CACNA2D3: variants seen among roughly 807,000 people sequenced by gnomAD.
CACNA2D3 encodes the protein calcium voltage-gated channel auxiliary subunit alpha2delta 3.
Under a neutral mutation model 160.6 loss-of-function variants are expected in CACNA2D3, and 60 were observed. The observed-to-expected ratio is 0.37, with a 90% confidence interval of 0.30 to 0.46. The LOEUF is 0.46. Among genes scored for constraint, CACNA2D3 ranks in the 20% least tolerant of loss-of-function variants. The pLI, the probability that CACNA2D3 is intolerant of heterozygous loss-of-function variation, is 1.00. For synonymous variants in CACNA2D3, 558 were observed against 492.9 expected (o/e 1.13, Z -1.75); for missense variants, 1,205 against 1,365.0 (o/e 0.88, Z 1.85).
At position 55,034,793 on chromosome 3, in the gene CACNA2D3, T is replaced by A. The variant is rs867403455; in HGVS notation, c.2987+16476T>A. Among the ~76,000 whole-genome samples the A allele has an allele frequency of 2.6e-5, 4 of 152,170 alleles. No individual in the cohort carries two copies. In the East Asian group the frequency reaches 7.7e-4, roughly 29 times the overall value. On this transcript the variant is annotated intron_variant, in intron 35 of 37. Transcript: ENST00000474759. ...CAGTATGTGGATTTACTAGTTTCTT[T>A]AACCAACACCACTTAGGCTCTTAAT...
Position 54,807,423 on chromosome 3 carries a change from G to A in CACNA2D3, c.1381-9430G>A, listed in dbSNP as rs566528291. Among the ~76,000 whole-genome samples the A allele has an allele frequency of 8.0e-3, 1,218 of 152,106 alleles. 16 individuals are homozygous for A. Among genetic ancestry groups the A allele is most frequent in the African/African-American group, 0.027 (1,123 of 41,432 alleles). ...ATGAGCAGACACTTCTCAAAAGAAGGCATTTATGCAGCCAAAAAACACATG... is the reference window on the plus strand; with the variant it reads ...ATGAGCAGACACTTCTCAAAAGAAGACATTTATGCAGCCAAAAAACACATG... On this transcript the variant is annotated intron_variant, in intron 13 of 37. Coordinates refer to ENST00000474759, the MANE Select transcript of CACNA2D3 (RefSeq NM_018398.3).
intron 11 of CACNA2D3, among the ~76,000 whole-genome samples, chr3:54,709,665 C>G (rs1343719907): frequency 1.3e-5 from 2 of 152,158 alleles, no homozygotes; most frequent in Non-Finnish European, 2.9e-5. Flanking sequence ...TGGCTCACAC[C>G]TGTCATCACA....
chr3:54,745,309 G>A (rs969343139), intron 11 of CACNA2D3, among the ~76,000 whole-genome samples: 1 of 152,200 alleles, frequency 6.6e-6, no homozygotes, highest in Non-Finnish European at 1.5e-5. Flanking sequence ...TCTGATACCT[G>A]GTCCTGGGGT....
chr3:54,286,116 CG>C (rs1559909070), intron 2 of CACNA2D3, among the ~76,000 whole-genome samples: 2 of 151,928 alleles, frequency 1.3e-5, no homozygotes, highest in African/African-American at 4.8e-5. Flanking sequence ...AGGCTTCAGA[CG>C]ATCAAACTAC....
At chr3:54,232,199 G>A (rs528550475) in intron 2 of CACNA2D3, among the ~76,000 whole-genome samples, 1 of 152,282 alleles carries the variant, frequency 6.6e-6, no homozygotes, top group African/African-American at 2.4e-5. Flanking sequence ...TCCAATCCTG[G>A]ATCAGTCACT....
chr3:54,255,214 G>A (rs536364116), intron 2 of CACNA2D3, among the ~76,000 whole-genome samples: 59 of 152,242 alleles, frequency 3.9e-4, no homozygotes, highest in African/African-American at 1.3e-3. Flanking sequence ...TCATTCTGGC[G>A]TTAAAACCGT....
intron 6 of CACNA2D3, among the ~76,000 whole-genome samples, chr3:54,567,473 G>A (rs1248365770): frequency 6.6e-6 from 1 of 152,062 alleles, no homozygotes; most frequent in Non-Finnish European, 1.5e-5. Flanking sequence ...CCATGTTTCA[G>A]TAGGATAGGC....
intron 15 of CACNA2D3, among the ~76,000 whole-genome samples, chr3:54,837,905 C>G (rs1301456787): frequency 6.6e-6 from 1 of 152,160 alleles, no homozygotes; most frequent in Non-Finnish European, 1.5e-5. Context: ...TGCAAAGATG[C>G]TATTTCCAAA....
chr3:55,037,835 C>T (rs948691300), intron 35 of CACNA2D3, among the ~76,000 whole-genome samples: 1 of 152,130 alleles, frequency 6.6e-6, no homozygotes, highest in African/African-American at 2.4e-5. Context: ...ACAACCCTGC[C>T]GTTTTTAGAT....
intron 2 of CACNA2D3, among the ~76,000 whole-genome samples, chr3:54,124,602 G>C (rs1260624232): frequency 6.6e-6 from 1 of 152,188 alleles, no homozygotes; most frequent in East Asian, 1.9e-4. Context: ...TGGTAACCAA[G>C]TACGTATTTT....
At chr3:54,993,738 A>G (rs1268252840) in intron 31 of CACNA2D3, among the ~76,000 whole-genome samples, 1 of 152,146 alleles carries the variant, frequency 6.6e-6, no homozygotes, top group Non-Finnish European at 1.5e-5. Context: ...GCTGGAGGCC[A>G]GAAAGACCAA....
chr3:54,569,342 T>G (rs547526441), intron 6 of CACNA2D3, among the ~76,000 whole-genome samples: 1 of 152,294 alleles, frequency 6.6e-6, no homozygotes, highest in Admixed American at 6.5e-5. Context: ...ATATCCTTAG[T>G]TGGAAACATT....
chr3:54,791,843 A>G (rs945339204), intron 13 of CACNA2D3, among the ~76,000 whole-genome samples: 2 of 152,222 alleles, frequency 1.3e-5, no homozygotes, highest in Non-Finnish European at 2.9e-5. Flanking sequence ...TCTGATGGAT[A>G]GTCAGTACAA....
chr3:54,534,049 C>T (rs1427646664), intron 5 of CACNA2D3, among the ~76,000 whole-genome samples: 1 of 152,176 alleles, frequency 6.6e-6, no homozygotes, highest in African/African-American at 2.4e-5. Context: ...AGTCTGTCAG[C>T]TCCCTCTGCA....
rs1207368997 is a variant in CACNA2D3 at position 55,007,815 on chromosome 3, TA to T, written c.2796del (p.Lys932AsnfsTer4). The T allele has an allele frequency of 1.9e-6, 3 of 1,564,530 alleles. No individual in the cohort carries two copies. The highest frequency in any genetic ancestry group is 2.3e-5 in the East Asian group (1 of 43,444). ...LDPYNAFLSAVKWIMTELVLF... is the reference protein window; with the variant it reads ...LDPYNAFLSAXKWIMTELVLF... ...CCTTATAATGCCTTCCTCTCTGCAGTAAAATGGATCATGACAGAACTTGTCT... is the reference window on the plus strand; with the variant it reads ...CCTTATAATGCCTTCCTCTCTGCAGTAAATGGATCATGACAGAACTTGTCT... On this transcript the variant is annotated frameshift_variant, in exon 33 of 38. Transcript: ENST00000474759. LOFTEE classifies it high-confidence loss of function.
At chr3:54,367,593 G>C (rs1205713166) in intron 3 of CACNA2D3, 2 of 392,506 alleles carry the variant, frequency 5.1e-6, no homozygotes, top group Non-Finnish European at 1.0e-5. Context: ...GTTAAGGCAA[G>C]AGAGAAGCAC....
rs1921540 is a variant in CACNA2D3, at chr3:54,819,484, G to T, written c.1398+2614G>T. The stretch of plus-strand genomic sequence containing the variant: ...CCAATGTTTTGTGATTCTGACTCAA[G>T]CCTAATGAATAACTGGGAGAGGGCA... On this transcript the variant is annotated intron_variant, in intron 14 of 37. Transcript: ENST00000474759. 3.3e-5 allele frequency among the ~76,000 whole-genome samples: 5 copies of T among 152,112 alleles called. No homozygotes were observed. In the East Asian group the frequency reaches 9.7e-4, roughly 29 times the overall value.
chr3:54,771,088 GT>G (rs2107112239), intron 13 of CACNA2D3, among the ~76,000 whole-genome samples: 1 of 152,230 alleles, frequency 6.6e-6, no homozygotes, highest in East Asian at 1.9e-4. Flanking sequence ...GGCTGGGTTA[GT>G]GTCTGCTTTT....
At chr3:54,288,254 C>T (rs1258314582) in intron 2 of CACNA2D3, among the ~76,000 whole-genome samples, 4 of 152,302 alleles carry the variant, frequency 2.6e-5, no homozygotes, top group Non-Finnish European at 5.9e-5. Context: ...ACCACCGATT[C>T]CACAGAAATA....
Sources: allele counts gnomAD v4.1 joint callset (sites outside exome capture counted in the v4.1 genomes callset), GRCh38; gene constraint gnomAD v4.1.1; transcripts MANE v1.5; gene names NCBI Gene and HGNC (gene_info 2026-07-23, HGNC 2026-07-21).